ATP10D: variants seen among roughly 807,000 people sequenced by gnomAD.
ATP10D encodes the protein phospholipid-transporting ATPase VD.
In ATP10D, 89 loss-of-function variants were observed where a neutral mutation model predicts 144.8. That is an observed-to-expected ratio of 0.61 (90% CI 0.52 to 0.73). The LOEUF (loss-of-function observed/expected upper bound fraction) is 0.73. Ranked by LOEUF, ATP10D falls within the 30% of genes least tolerant of loss-of-function variation. The pLI, the probability that ATP10D is intolerant of heterozygous loss-of-function variation, is 0.00. For synonymous variants in ATP10D, 571 were observed against 615.1 expected (o/e 0.93, Z 1.06); for missense variants, 1,603 against 1,714.8 (o/e 0.93, Z 1.15).
At chr4:47,555,021 G>C in intron 11 of ATP10D, 107 bp downstream of exon 11, 1 of 983,040 alleles carries the variant, frequency 1.0e-6, no homozygotes, top group Non-Finnish European at 1.5e-6. Flanking sequence ...ATAAATAATA[G>C]TAGCTGTATA....
intron 13 of ATP10D, among the ~76,000 whole-genome samples, chr4:47,559,511 T>G: frequency 6.6e-6 from 1 of 152,218 alleles, no homozygotes; most frequent in South Asian, 2.1e-4. Context: ...TATCTCAGTA[T>G]TGATTATTCT....
chr4:47,559,417 A>AT (rs935529651), intron 13 of ATP10D, among the ~76,000 whole-genome samples: 1 of 152,108 alleles, frequency 6.6e-6, no homozygotes, highest in African/African-American at 2.4e-5. Context: ...ATGAGCCTTA[A>AT]TTTTTTCATA....
At chr4:47,579,316 G>A (rs1333808226) in intron 19 of ATP10D, among the ~76,000 whole-genome samples, 3 of 152,200 alleles carry the variant, frequency 2.0e-5, no homozygotes, top group African/African-American at 4.8e-5. Context: ...CACCTGGTAT[G>A]TACAAGACAC....
intron 21 of ATP10D, among the ~76,000 whole-genome samples, chr4:47,583,592 GTT>G (rs1032490941): frequency 5.3e-5 from 8 of 152,238 alleles, no homozygotes; most frequent in South Asian, 2.1e-4. Context: ...ATTTGGGATT[GTT>G]TTTATACCTA....
At chr4:47,524,111 A>G (rs1407010278) in intron 4 of ATP10D, among the ~76,000 whole-genome samples, 2 of 152,142 alleles carry the variant, frequency 1.3e-5, no homozygotes, top group Non-Finnish European at 2.9e-5. Flanking sequence ...TATTTTTAGT[A>G]GAGACACGGT....
At chr4:47,551,052 C>T (rs559530550) in intron 10 of ATP10D, among the ~76,000 whole-genome samples, 1 of 152,372 alleles carries the variant, frequency 6.6e-6, no homozygotes, top group African/African-American at 2.4e-5. Flanking sequence ...TCCTCTCAGG[C>T]AACAGATGAT....
intron 1 of ATP10D, among the ~76,000 whole-genome samples, chr4:47,487,083 G>A (rs1714801379): frequency 6.6e-6 from 1 of 152,028 alleles, no homozygotes; most frequent in African/African-American, 2.4e-5. Flanking sequence ...TACAAAATTG[G>A]CTGGGCGTGG....
At chr4:47,527,441 T>C (rs1717305790) in intron 5 of ATP10D, among the ~76,000 whole-genome samples, 1 of 151,956 alleles carries the variant, frequency 6.6e-6, no homozygotes, top group African/African-American at 2.4e-5. Flanking sequence ...TAAAGAAAAA[T>C]AAAAGAACTC....
chr4:47,497,661 CTT>C (rs1715459015), intron 1 of ATP10D, among the ~76,000 whole-genome samples: 1 of 152,036 alleles, frequency 6.6e-6, no homozygotes, highest in South Asian at 2.1e-4. Flanking sequence ...TTCAAATTGA[CTT>C]AAATAATTTA....
At chr4:47,555,052 C>A in intron 11 of ATP10D, 138 bp downstream of exon 11, 3 of 810,776 alleles carry the variant, frequency 3.7e-6, no homozygotes, top group Non-Finnish European at 5.8e-6. Flanking sequence ...AGCATTTGTT[C>A]TGTGCTCTGC....
At chr4:47,574,680 A>G (rs1720133570) in intron 18 of ATP10D, among the ~76,000 whole-genome samples, 1 of 152,174 alleles carries the variant, frequency 6.6e-6, no homozygotes, top group Admixed American at 6.5e-5. Context: ...AGGTCAAGAG[A>G]TCAAGAAATT....
chr4:47,576,991 A>T lies in ATP10D; in HGVS notation c.3567+18A>T, dbSNP rs1335380006. The T allele has an allele frequency of 1.1e-5, 17 of 1,611,534 alleles. No homozygotes were observed. The highest frequency in any genetic ancestry group is 1.4e-5 in the Non-Finnish European group (17 of 1,177,802). On this transcript the variant is annotated intron_variant, in intron 19 of 22. Transcript: ENST00000273859. The stretch of plus-strand genomic sequence containing the variant: ...AATCAGAGGTAGGTGTTAAAGCAAG[A>T]GTGCTTGGATGGATGCATATCCATT...
chr4:47,570,213 TG>T (rs1178875160), intron 16 of ATP10D, among the ~76,000 whole-genome samples: 1 of 152,102 alleles, frequency 6.6e-6, no homozygotes, highest in African/African-American at 2.4e-5. Flanking sequence ...CGTGGTCAGA[TG>T]AAAAATGGGC....
At chr4:47,528,188 A>G (rs186368331) in intron 5 of ATP10D, among the ~76,000 whole-genome samples, 91 of 152,140 alleles carry the variant, frequency 6.0e-4, no homozygotes, top group Admixed American at 1.1e-3. Flanking sequence ...TAGTGTACCC[A>G]TCTCCCGAAT....
chr4:47,518,897 G>T (rs754470487), intron 3 of ATP10D, among the ~76,000 whole-genome samples: 3 of 152,158 alleles, frequency 2.0e-5, no homozygotes, highest in Non-Finnish European at 4.4e-5. Flanking sequence ...GGCCACTTAA[G>T]AGCTGTGTAA....
At chr4:47,508,121 G>A (rs1716121383) in intron 1 of ATP10D, among the ~76,000 whole-genome samples, 2 of 152,136 alleles carry the variant, frequency 1.3e-5, no homozygotes, top group Non-Finnish European at 2.9e-5. Context: ...AGGGGGTCTT[G>A]GGCAACAGAG....
chr4:47,548,360 T>C (rs1476400640), intron 10 of ATP10D, among the ~76,000 whole-genome samples: 2 of 152,192 alleles, frequency 1.3e-5, no homozygotes, highest in African/African-American at 4.8e-5. Context: ...AAATTAAAAA[T>C]ATCACCTTTT....
intron 20 of ATP10D, among the ~76,000 whole-genome samples, chr4:47,581,573 A>G (rs1720518064): frequency 6.6e-6 from 1 of 152,250 alleles, no homozygotes; most frequent in African/African-American, 2.4e-5. Flanking sequence ...GAGGAATAGT[A>G]TAAGGACTTG....
At chr4:47,559,705 G>A (rs1399638602) in intron 13 of ATP10D, among the ~76,000 whole-genome samples, 1 of 152,098 alleles carries the variant, frequency 6.6e-6, no homozygotes, top group Non-Finnish European at 1.5e-5. Context: ...TCAACCAGCT[G>A]CATAAGGAAT....
Sources: gnomAD v4.1 joint callset for allele counts (sites outside exome capture counted in the v4.1 genomes callset) on GRCh38, gnomAD v4.1.1 for gene constraint, MANE v1.5 for transcripts, NCBI Gene and HGNC (gene_info 2026-07-23, HGNC 2026-07-21) for gene names.